The following KHDRBS3 variants were observed in gnomAD, a reference collection of about 807,000 sequenced individuals.
The protein encoded by KHDRBS3 is KH domain-containing, RNA-binding, signal transduction-associated protein 3.
A neutral mutation model predicts 45.6 loss-of-function variants in KHDRBS3; 23 were observed. The observed-to-expected ratio is 0.50, with a 90% CI of 0.36 to 0.72. The LOEUF is 0.72. KHDRBS3 is among the 30% of genes least tolerant of loss of function. The pLI, the probability that KHDRBS3 is intolerant of heterozygous loss-of-function variation, is 0.00. For synonymous variants in KHDRBS3, 162 were observed against 156.5 expected, an observed-to-expected ratio of 1.04 and a Z score of -0.26; for missense variants, 352 against 424.8, an observed-to-expected ratio of 0.83 and a Z score of 1.51.
chr8:135,569,323 G>T (rs556855215), intron 5 of KHDRBS3, among the ~76,000 whole-genome samples: 1 of 152,284 alleles, frequency 6.6e-6, no homozygotes, highest in East Asian at 1.9e-4. Flanking sequence ...ATAGAGAAAT[G>T]CACATTTCAG....
intron 4 of KHDRBS3, among the ~76,000 whole-genome samples, chr8:135,551,318 G>A (rs1244369787): frequency 6.6e-6 from 1 of 152,014 alleles, no homozygotes; most frequent in Admixed American, 6.6e-5. Context: ...AACCGTGAAT[G>A]CAGTGTTGTT....
downstream of KHDRBS3, among the ~76,000 whole-genome samples, chr8:135,649,851 T>C (rs559527977): frequency 2.0e-5 from 3 of 152,300 alleles, no homozygotes; most frequent in Non-Finnish European, 4.4e-5. Context: ...AAAGCTTCCA[T>C]AGCTTTATCA....
chr8:135,499,776 A>G (rs553703151), intron 1 of KHDRBS3, among the ~76,000 whole-genome samples: 3 of 152,250 alleles, frequency 2.0e-5, no homozygotes, highest in African/African-American at 7.2e-5. Flanking sequence ...GGTTGCTCTG[A>G]ATTTTTTTTG....
At chr8:135,495,946 AG>A (rs1823417732) in intron 1 of KHDRBS3, among the ~76,000 whole-genome samples, 1 of 152,008 alleles carries the variant, frequency 6.6e-6, no homozygotes. Context: ...TATTTTAGAA[AG>A]TGTAGTTTAA....
intron 7 of KHDRBS3, among the ~76,000 whole-genome samples, chr8:135,629,121 G>C (rs975821131): frequency 6.6e-6 from 1 of 152,208 alleles, no homozygotes; most frequent in East Asian, 1.9e-4. Flanking sequence ...TAGTAGAAAA[G>C]GGAAGGGACC....
At chr8:135,598,408 C>T (rs933104666) in intron 6 of KHDRBS3, among the ~76,000 whole-genome samples, 4 of 152,118 alleles carry the variant, frequency 2.6e-5, no homozygotes, top group Non-Finnish European at 5.9e-5. Context: ...AATTGGGATT[C>T]AGAGAGATTA....
intron 1 of KHDRBS3, among the ~76,000 whole-genome samples, chr8:135,462,839 T>G (rs751375306): frequency 6.6e-6 from 1 of 152,166 alleles, no homozygotes. Flanking sequence ...TCAGTAACAC[T>G]GAGAGTCTAA....
intron 7 of KHDRBS3, among the ~76,000 whole-genome samples, chr8:135,612,250 A>G (rs1829734712): frequency 6.6e-6 from 1 of 151,826 alleles, no homozygotes; most frequent in Non-Finnish European, 1.5e-5. Flanking sequence ...TATTTCCCAT[A>G]TACAGTATTC....
At chr8:135,565,046 C>T (rs1055160999) in intron 5 of KHDRBS3, among the ~76,000 whole-genome samples, 1 of 152,114 alleles carries the variant, frequency 6.6e-6, no homozygotes, top group Non-Finnish European at 1.5e-5. Context: ...GTAGGGGCTG[C>T]GAGTCTTGTT....
At chr8:135,464,823 T>G (rs1275482394) in intron 1 of KHDRBS3, among the ~76,000 whole-genome samples, 1 of 152,206 alleles carries the variant, frequency 6.6e-6, no homozygotes, top group Non-Finnish European at 1.5e-5. Flanking sequence ...TAAGAACACA[T>G]AGCTAGTAAC....
At chr8:135,590,112 G>A (rs1225451800) in intron 6 of KHDRBS3, among the ~76,000 whole-genome samples, 2 of 152,200 alleles carry the variant, frequency 1.3e-5, no homozygotes, top group African/African-American at 4.8e-5. Flanking sequence ...TTAGATGGTA[G>A]AGCCCACTAC....
chr8:135,542,456 A>G (rs997879277), intron 2 of KHDRBS3, 198 bp from the exon 3 acceptor site: 1 of 509,746 alleles, frequency 2.0e-6, no homozygotes, highest in Non-Finnish European at 3.5e-6. Flanking sequence ...AAAGAAATAT[A>G]TCAGGGTTTT....
chr8:135,469,043 G>A (rs1229838207), intron 1 of KHDRBS3, among the ~76,000 whole-genome samples: 2 of 152,242 alleles, frequency 1.3e-5, no homozygotes, highest in Non-Finnish European at 2.9e-5. Flanking sequence ...AGAGCACATG[G>A]CCCCTGCTTT....
chr8:135,614,462 T>C (rs1363411673), intron 7 of KHDRBS3, among the ~76,000 whole-genome samples: 3 of 152,018 alleles, frequency 2.0e-5, no homozygotes, highest in East Asian at 3.9e-4. Flanking sequence ...TATCATAATA[T>C]TTTTAGTCTA....
intron 1 of KHDRBS3, among the ~76,000 whole-genome samples, chr8:135,466,054 C>T (rs868212619): frequency 2.0e-5 from 3 of 152,306 alleles, no homozygotes; most frequent in Middle Eastern, 3.4e-3. Context: ...CTAGATGGCG[C>T]TCCACATAGC....
chr8:135,605,465 G>T (rs4457368), intron 6 of KHDRBS3, among the ~76,000 whole-genome samples: 59,730 of 151,934 alleles, frequency 0.39, 12,801 homozygotes, highest in South Asian at 0.53. Context: ...CGCAACTTAA[G>T]AATTTATTTT....
intron 2 of KHDRBS3, among the ~76,000 whole-genome samples, chr8:135,523,385 G>A (rs896829202): frequency 4.0e-5 from 6 of 151,652 alleles, no homozygotes; most frequent in African/African-American, 7.3e-5. Flanking sequence ...TGACACTATC[G>A]TAAATTGAAT....
rs554401292 is a variant in KHDRBS3 at position 135,481,071 on chromosome 8, A to G, written c.88+23117A>G. Among the ~76,000 whole-genome samples, 5 of 151,728 alleles carry G rather than the reference A, an allele frequency of 3.3e-5. No individual in the cohort carries two copies. In the South Asian group the frequency reaches 8.3e-4, roughly 25 times the overall value. Reference sequence around the variant, plus strand: ...AATGAAGTCATTCTTTTGTTTAAAAATTTTTCATTAGTTATCAGATTAGAT... The same window carrying G: ...AATGAAGTCATTCTTTTGTTTAAAAGTTTTTCATTAGTTATCAGATTAGAT... On this transcript the variant is annotated intron_variant, in intron 1 of 8. Coordinates refer to ENST00000355849, the MANE Select transcript of KHDRBS3 (RefSeq NM_006558.3).
chr8:135,654,075 T>C (rs1831482463), intron 4 of KHDRBS3, among the ~76,000 whole-genome samples: 1 of 152,238 alleles, frequency 6.6e-6, no homozygotes, highest in Non-Finnish European at 1.5e-5. Context: ...AAAGCATTTT[T>C]TTAAATTATC....
Sources: allele counts gnomAD v4.1 joint callset (sites outside exome capture counted in the v4.1 genomes callset), GRCh38; gene constraint gnomAD v4.1.1; transcripts MANE v1.5; gene names NCBI Gene and HGNC (gene_info 2026-07-23, HGNC 2026-07-21).